The following GFRA1 variants were observed in gnomAD, a reference collection of about 807,000 sequenced individuals.
GFRA1 encodes GDNF family receptor alpha-1.
GFRA1 carries 16 observed loss-of-function variants against 51.6 expected under a neutral mutation model. The observed-to-expected ratio is 0.31, with a 90% CI of 0.21 to 0.47. GFRA1 has a LOEUF of 0.47. Ranked by LOEUF, GFRA1 falls within the 20% of genes least tolerant of loss-of-function variation. The probability of loss-of-function intolerance (pLI) is 1.00; values close to 1 mark genes in which losing one functional copy is unlikely to be tolerated. For synonymous variants in GFRA1, 270 were observed against 241.3 expected, an observed-to-expected ratio of 1.12 and a Z score of -1.10; for missense variants, 530 against 594.3, an observed-to-expected ratio of 0.89 and a Z score of 1.13.
chr10:116,093,567 G>A (rs1207361695), intron 8 of GFRA1, 135 bp downstream of exon 8: 2 of 783,816 alleles, frequency 2.6e-6, no homozygotes, highest in East Asian at 2.6e-5. Flanking sequence ...CAGACAGAGA[G>A]AGGAAGCAGG....
intron 9 of GFRA1, among the ~76,000 whole-genome samples, chr10:116,074,457 G>C (rs1223471398): frequency 6.6e-6 from 1 of 152,192 alleles, no homozygotes. Context: ...AGTCTGAAAA[G>C]GAATACAGAG....
At chr10:116,223,397 A>G (rs1966062879) in intron 4 of GFRA1, among the ~76,000 whole-genome samples, 1 of 152,238 alleles carries the variant, frequency 6.6e-6, no homozygotes, top group Non-Finnish European at 1.5e-5. Flanking sequence ...AATGTGAACT[A>G]CAGGTATTTC....
intron 5 of GFRA1, among the ~76,000 whole-genome samples, chr10:116,174,528 A>G (rs1001610369): frequency 1.3e-5 from 2 of 152,244 alleles, no homozygotes; most frequent in African/African-American, 4.8e-5. Context: ...ATAAAACTCC[A>G]TAATGACCTA....
chr10:116,147,756 G>A (rs1743570281), intron 5 of GFRA1, among the ~76,000 whole-genome samples: 1 of 151,980 alleles, frequency 6.6e-6, no homozygotes, highest in Non-Finnish European at 1.5e-5. Flanking sequence ...CCTAGAACTG[G>A]AGACAACAGA....
chr10:116,086,384 C>T (rs11197523), intron 9 of GFRA1, among the ~76,000 whole-genome samples: 41,056 of 152,052 alleles, frequency 0.27, 6,768 homozygotes, highest in East Asian at 0.69. Flanking sequence ...CATTCTGGAA[C>T]GTTTACTCTG....
intron 5 of GFRA1, among the ~76,000 whole-genome samples, chr10:116,175,736 A>G (rs1287286021): frequency 2.0e-5 from 3 of 152,216 alleles, no homozygotes; most frequent in African/African-American, 7.2e-5. Flanking sequence ...GTAAACGTCA[A>G]TATGGTAATA....
chr10:116,238,555 C>T (rs1967090861), intron 4 of GFRA1, among the ~76,000 whole-genome samples: 1 of 152,180 alleles, frequency 6.6e-6, no homozygotes, highest in Admixed American at 6.5e-5. Context: ...TCGGAAAATG[C>T]ACACCCATCT....
intron 8 of GFRA1, 124 bp downstream of exon 8, chr10:116,093,578 C>T (rs1014646253): frequency 7.9e-5 from 66 of 835,678 alleles, no homozygotes; most frequent in Non-Finnish European, 7.0e-5. Flanking sequence ...AGGAAGCAGG[C>T]ACAAGGTACA....
rs905674967 is a variant in GFRA1 at position 116,211,539 on chromosome 10, G to A, written c.433+92C>T. On this transcript the variant is annotated intron_variant, in intron 5 of 10. Transcript: ENST00000355422. ...CCTAAATGACATGTCCATAGAGAAC[G>A]GGAAACCCCATAACCCTCTGTACAC... 98 of 1,186,054 alleles carry A rather than the reference G, an allele frequency of 8.3e-5. No homozygotes were observed. The Middle Eastern group carries it at 1.3e-3, about 16-fold the overall frequency. 73.5% of individuals were successfully genotyped at this position (1,186,054 alleles called of 1,614,324 possible). A position where few individuals can be genotyped will look rare whatever the true frequency, so the allele number is the denominator to read the frequency against.
At chr10:116,216,359 T>C (rs931400954) in intron 4 of GFRA1, among the ~76,000 whole-genome samples, 1 of 152,202 alleles carries the variant, frequency 6.6e-6, no homozygotes, top group Non-Finnish European at 1.5e-5. Context: ...CTCTGCTTTA[T>C]TTATCTATTG....
chr10:116,116,301 TG>T lies in GFRA1; in HGVS notation c.770+8919del, dbSNP rs1335027159. Among the ~76,000 whole-genome samples, 4 of 152,200 alleles carry T rather than the reference TG, an allele frequency of 2.6e-5. No individual in the cohort carries two copies. In the East Asian group the frequency reaches 7.7e-4, roughly 29 times the overall value. On this transcript the variant is annotated intron_variant, in intron 6 of 10. Coordinates refer to ENST00000355422, the MANE Select transcript of GFRA1 (RefSeq NM_005264.8). ...GAGGGCTTCCTGATGATTAACATAA[TG>T]GCCACAAGCCAGGGAGAAGGCAGGA...
intron 6 of GFRA1, among the ~76,000 whole-genome samples, chr10:116,104,365 G>A (rs955388417): frequency 1.3e-5 from 2 of 152,182 alleles, no homozygotes; most frequent in African/African-American, 4.8e-5. Context: ...CCCGATCACT[G>A]TTGCTCCTCT....
At chr10:116,206,450 G>C (rs922057058) in intron 5 of GFRA1, among the ~76,000 whole-genome samples, 4 of 152,122 alleles carry the variant, frequency 2.6e-5, no homozygotes, top group South Asian at 4.1e-4. Context: ...AGCCCACCCC[G>C]ACAATTAACA....
intron 8 of GFRA1, among the ~76,000 whole-genome samples, chr10:116,092,606 A>G (rs1447273347): frequency 6.6e-6 from 1 of 152,072 alleles, no homozygotes; most frequent in Admixed American, 6.6e-5. Flanking sequence ...CTCATCCAAC[A>G]GGCTCCTCAA....
intron 5 of GFRA1, among the ~76,000 whole-genome samples, chr10:116,164,469 G>T (rs951004134): frequency 3.9e-5 from 6 of 152,124 alleles, no homozygotes; most frequent in Non-Finnish European, 5.9e-5. Context: ...TGAAATGAAG[G>T]CATTGTTTAT....
rs765795944 is a variant in GFRA1 at position 116,096,750 on chromosome 10, T to C, written c.785A>G (p.Asp262Gly). 9 of 1,589,618 alleles carry C rather than the reference T, an allele frequency of 5.7e-6. No homozygotes were observed. The highest frequency in any genetic ancestry group is 1.4e-5 in the African/African-American group (1 of 69,060). ...CTCTGGCTGGCAGTTGGTAAAAAAATCCGCAAGGCGAGATCTACAATAGGA... is the reference window on the plus strand; with the variant it reads ...CTCTGGCTGGCAGTTGGTAAAAAAACCCGCAAGGCGAGATCTACAATAGGA... ...TNYICRSRLA[D>G]FFTNCQPESR... The change falls in exon 7 of 11, where the codon GAT becomes GGT. Residue 262 changes from aspartate to glycine, a missense_variant. Physicochemically the swap from Asp to Gly is moderately conservative, Grantham distance 94 (BLOSUM62 -1). Transcript: ENST00000355422.
chr10:116,064,037 A>AATCATCATCATGATCATGATG lies in GFRA1; in HGVS notation c.*340_*360dup, dbSNP rs6144108. ...GAAAGGCCAGAAGTAAAACTGTTAAAATCATCATCATGATCATGATGATCA... is the reference window on the plus strand; with the variant it reads ...GAAAGGCCAGAAGTAAAACTGTTAAAATCATCATCATGATCATGATGATCATCATCATGATCATGATGATCA... On this transcript the variant is annotated 3_prime_UTR_variant, in exon 11 of 11. Coordinates refer to ENST00000355422, the MANE Select transcript of GFRA1 (RefSeq NM_005264.8). 0.02 allele frequency: 4,218 copies of AATCATCATCATGATCATGATG among 206,750 alleles called. 72 individuals carry two copies. The highest frequency in any genetic ancestry group is 0.024 in the Non-Finnish European group (2,456 of 101,460). The allele number at this position is 206,750 out of a possible 1,614,324, so 12.8% of individuals were successfully genotyped here.
intron 4 of GFRA1, among the ~76,000 whole-genome samples, chr10:116,253,017 A>T (rs1332374673): frequency 6.6e-6 from 1 of 152,236 alleles, no homozygotes; most frequent in Non-Finnish European, 1.5e-5. Flanking sequence ...CTCAGTCCAC[A>T]AGATTAAAAG....
intron 5 of GFRA1, among the ~76,000 whole-genome samples, chr10:116,206,406 G>A (rs1964760555): frequency 6.6e-6 from 1 of 152,118 alleles, no homozygotes. Context: ...CTCAAGTCAA[G>A]CTCCTGATAA....
Sources: gnomAD v4.1 joint callset for allele counts (sites outside exome capture counted in the v4.1 genomes callset) on GRCh38, gnomAD v4.1.1 for gene constraint, MANE v1.5 for transcripts, NCBI Gene and HGNC (gene_info 2026-07-23, HGNC 2026-07-21) for gene names.